Variants in CNBD1 observed in about 807,000 individuals in gnomAD.
CNBD1 encodes cyclic nucleotide binding domain containing 1.
A neutral mutation model predicts 54.4 loss-of-function variants in CNBD1; 71 were observed. That is an observed-to-expected ratio of 1.30 (90% confidence interval 1.08 to 1.59). The LOEUF is 1.59. CNBD1 is among the 40% of genes most tolerant of loss of function. CNBD1 has a pLI of 0.00. For missense variants in CNBD1, 659 were observed against 518.0 expected (o/e 1.27, Z -2.64); for synonymous variants, 182 against 170.7 (o/e 1.07, Z -0.51).
In CNBD1 at chr8:87,082,624, G is replaced by T. The variant is rs559824457; in HGVS notation, c.432-123369G>T. Among the ~76,000 whole-genome samples, 19 of 151,764 alleles carry T rather than the reference G, an allele frequency of 1.3e-4. No homozygotes were observed. The East Asian group carries it at 3.3e-3, about 26-fold the overall frequency. On this transcript the variant is annotated intron_variant, in intron 4 of 10. Coordinates refer to ENST00000518476, the MANE Select transcript of CNBD1 (RefSeq NM_173538.3). ...TATTTATGTCTTTATATTTAAGTGG[G>T]TTTCTTATACACTGCATACAACTGA... is the stretch of plus-strand genomic sequence containing the variant.
At chr8:87,341,044 C>A (rs1227357996) in intron 8 of CNBD1, among the ~76,000 whole-genome samples, 3 of 152,066 alleles carry the variant, frequency 2.0e-5, no homozygotes, top group Admixed American at 6.6e-5. Context: ...CAGGGAAGGA[C>A]TTTTATCACT....
At chr8:87,352,180 A>ATAT in intron 9 of CNBD1, among the ~76,000 whole-genome samples, 1 of 152,106 alleles carries the variant, frequency 6.6e-6, no homozygotes, top group Non-Finnish European at 1.5e-5. Context: ...GTCTACACGA[A>ATAT]GACTTATATG....
chr8:87,313,893 A>G (rs947743802), intron 8 of CNBD1, among the ~76,000 whole-genome samples: 7 of 151,954 alleles, frequency 4.6e-5, no homozygotes, highest in African/African-American at 1.2e-4. Flanking sequence ...AAGGCAAAAA[A>G]TTGTGTTTAC....
At chr8:87,113,633 T>C (rs1341710887) in intron 4 of CNBD1, among the ~76,000 whole-genome samples, 2 of 152,098 alleles carry the variant, frequency 1.3e-5, no homozygotes, top group East Asian at 3.9e-4. Flanking sequence ...CAAAAAGAAA[T>C]GATGGGCCGG....
chr8:86,959,268 G>A (rs746700383), intron 4 of CNBD1, among the ~76,000 whole-genome samples: 5 of 152,044 alleles, frequency 3.3e-5, no homozygotes, highest in Non-Finnish European at 7.4e-5. Context: ...CTTTCTCTCT[G>A]GCTGCCCTTA....
chr8:87,151,622 C>T (rs1448037778), intron 4 of CNBD1, among the ~76,000 whole-genome samples: 9 of 152,134 alleles, frequency 5.9e-5, no homozygotes, highest in Admixed American at 3.9e-4. Flanking sequence ...TGAGACAACA[C>T]TTATGACATG....
chr8:86,956,096 C>T (rs1807760817), intron 4 of CNBD1, among the ~76,000 whole-genome samples: 1 of 151,990 alleles, frequency 6.6e-6, no homozygotes, highest in African/African-American at 2.4e-5. Context: ...GAATCCTTTC[C>T]CCATTGCTTG....
At chr8:87,358,068 A>G (rs1586043609) in intron 10 of CNBD1, among the ~76,000 whole-genome samples, 1 of 152,240 alleles carries the variant, frequency 6.6e-6, no homozygotes, top group East Asian at 1.9e-4. Context: ...CATGAACAAA[A>G]GATTCCCGAG....
intron 10 of CNBD1, among the ~76,000 whole-genome samples, chr8:87,362,248 G>A (rs1183520886): frequency 1.3e-5 from 2 of 152,058 alleles, no homozygotes; most frequent in Non-Finnish European, 2.9e-5. Context: ...TTAGAAACAA[G>A]GGCACAGTCT....
At chr8:87,056,275 A>G (rs1810415182) in intron 4 of CNBD1, among the ~76,000 whole-genome samples, 1 of 152,148 alleles carries the variant, frequency 6.6e-6, no homozygotes, top group Admixed American at 6.6e-5. Context: ...GCCCCATATC[A>G]GGGCACACTG....
chr8:87,369,111 A>T (rs1389037566), intron 10 of CNBD1, among the ~76,000 whole-genome samples: 4 of 152,032 alleles, frequency 2.6e-5, no homozygotes, highest in Admixed American at 6.6e-5. Flanking sequence ...TATTCCATAT[A>T]TTTTAGCCAT....
At chr8:87,115,417 T>C (rs1388124974) in intron 4 of CNBD1, among the ~76,000 whole-genome samples, 1 of 152,206 alleles carries the variant, frequency 6.6e-6, no homozygotes, top group Non-Finnish European at 1.5e-5. Flanking sequence ...TATTAATCAT[T>C]TTACAATCAT....
At chr8:87,340,098 T>C (rs143502950) in intron 8 of CNBD1, among the ~76,000 whole-genome samples, 1 of 152,308 alleles carries the variant, frequency 6.6e-6, no homozygotes, top group African/African-American at 2.4e-5. Context: ...CTCGCTTAGC[T>C]TTGTCTGGAA....
chr8:87,346,594 A>AC (rs1810180904), intron 8 of CNBD1, among the ~76,000 whole-genome samples: 1 of 151,590 alleles, frequency 6.6e-6, no homozygotes, highest in African/African-American at 2.4e-5. Context: ...TATACACAAA[A>AC]ATGTATAATA....
At chr8:86,954,882 G>T (rs953119880) in intron 4 of CNBD1, among the ~76,000 whole-genome samples, 1 of 151,974 alleles carries the variant, frequency 6.6e-6, no homozygotes, top group Non-Finnish European at 1.5e-5. Flanking sequence ...TGTGCACAAC[G>T]TGCAGGTTTG....
intron 4 of CNBD1, among the ~76,000 whole-genome samples, chr8:86,946,552 C>T (rs1586153849): frequency 6.6e-6 from 1 of 151,996 alleles, no homozygotes; most frequent in East Asian, 1.9e-4. Flanking sequence ...AGTTTTGCCT[C>T]TTATTTTTCC....
At chr8:87,391,506 A>G (rs1438549289) in intron 2 of CNBD1, among the ~76,000 whole-genome samples, 2 of 152,150 alleles carry the variant, frequency 1.3e-5, no homozygotes, top group Non-Finnish European at 2.9e-5. Flanking sequence ...GACATGTGTA[A>G]CAATGGAATA....
chr8:87,039,386 T>A (rs1455493825), intron 4 of CNBD1, among the ~76,000 whole-genome samples: 1 of 152,208 alleles, frequency 6.6e-6, no homozygotes, highest in Non-Finnish European at 1.5e-5. Flanking sequence ...AAAGTTTTGA[T>A]CTTTTCCTTA....
chr8:87,061,619 T>C (rs1384445247), intron 4 of CNBD1, among the ~76,000 whole-genome samples: 2 of 152,198 alleles, frequency 1.3e-5, no homozygotes, highest in Admixed American at 6.5e-5. Flanking sequence ...GTTTGCCCCA[T>C]TCTGAGATTT....
Sources: allele counts gnomAD v4.1 joint callset (sites outside exome capture counted in the v4.1 genomes callset), GRCh38; gene constraint gnomAD v4.1.1; transcripts MANE v1.5; gene names NCBI Gene and HGNC (gene_info 2026-07-23, HGNC 2026-07-21).